The following MAF variants were observed in gnomAD, a reference collection of about 807,000 sequenced individuals.
The protein encoded by MAF is transcription factor Maf.
A neutral mutation model predicts 22.0 loss-of-function variants in MAF; 10 were observed. That is an observed-to-expected ratio of 0.45 (90% CI 0.28 to 0.77). The LOEUF (loss-of-function observed/expected upper bound fraction) is 0.77. Ranked by LOEUF, MAF falls within the 30% of genes least tolerant of loss-of-function variation. The pLI, the probability that MAF is intolerant of heterozygous loss-of-function variation, is 0.12. For synonymous variants in MAF, 337 were observed against 255.8 expected (o/e 1.32, Z -3.03); for missense variants, 544 against 548.4 (o/e 0.99, Z 0.08).
At chr16:79,493,697 A>T in the MAF span, among the ~76,000 whole-genome samples, 1 of 152,238 alleles carries the variant, frequency 6.6e-6, no homozygotes. Context: ...AGTTGATAAA[A>T]GGGTGGAGCT....
At chr16:79,242,131 C>A in the MAF span, among the ~76,000 whole-genome samples, 408 of 152,016 alleles carry the variant, frequency 2.7e-3, 2 homozygotes, top group Non-Finnish European at 4.8e-3. Context: ...GAAACTGCAG[C>A]AACTAACAAA....
the MAF span, among the ~76,000 whole-genome samples, chr16:79,405,426 C>T: frequency 6.6e-6 from 1 of 152,290 alleles, no homozygotes; most frequent in African/African-American, 2.4e-5. Flanking sequence ...TTACAGACTC[C>T]TATTAGTTGA....
chr16:79,230,068 A>G, the MAF span, among the ~76,000 whole-genome samples: 1 of 152,136 alleles, frequency 6.6e-6, no homozygotes, highest in Admixed American at 6.6e-5. Context: ...GATCACTGAG[A>G]ATGTATTTAA....
intron 1 of MAF, chr16:79,596,391 C>A (rs1238915812): frequency 4.7e-6 from 5 of 1,058,284 alleles, no homozygotes; most frequent in Non-Finnish European, 5.7e-6. Flanking sequence ...CTCCAGGAAT[C>A]CTTCCACTGG....
chr16:79,256,239 C>G, the MAF span, among the ~76,000 whole-genome samples: 2 of 151,968 alleles, frequency 1.3e-5, no homozygotes, highest in South Asian at 4.2e-4. Flanking sequence ...CCGCCTGCCT[C>G]GGCCTCCCAG....
chr16:79,332,486 G>C, the MAF span, among the ~76,000 whole-genome samples: 1 of 152,126 alleles, frequency 6.6e-6, no homozygotes, highest in South Asian at 2.1e-4. Context: ...TTTTTGTAGA[G>C]ATAGAGTTTC....
chr16:79,248,000 G>C, the MAF span, among the ~76,000 whole-genome samples: 2 of 148,570 alleles, frequency 1.3e-5, no homozygotes, highest in East Asian at 3.9e-4. Flanking sequence ...ACCCAGTTTT[G>C]GACAGAATTT....
At chr16:79,416,560 C>G in the MAF span, among the ~76,000 whole-genome samples, 1 of 148,960 alleles carries the variant, frequency 6.7e-6, no homozygotes, top group African/African-American at 2.5e-5. Flanking sequence ...ATTTTTAAAG[C>G]TGAAAGTTTT....
the MAF span, among the ~76,000 whole-genome samples, chr16:79,286,970 A>C: frequency 6.6e-6 from 1 of 152,070 alleles, no homozygotes; most frequent in African/African-American, 2.4e-5. Context: ...AGACAAAAAA[A>C]CCCTTTGGAA....
intron 1 of MAF, chr16:79,596,081 A>G (rs1339113018): frequency 7.5e-6 from 8 of 1,062,346 alleles, no homozygotes; most frequent in African/African-American, 1.6e-5. Context: ...CGTTCAATGC[A>G]TATGTGCGCA....
Position 79,599,927 on chromosome 16 carries a change from GC to G in MAF, c.-26del. 2.5e-6 allele frequency: 4 copies of G among 1,593,062 alleles called. No individual in the cohort carries two copies. Among genetic ancestry groups the G allele is most frequent in the Non-Finnish European group, 3.4e-6 (4 of 1,176,234 alleles). On this transcript the variant is annotated 5_prime_UTR_variant, in exon 1 of 2. Transcript: ENST00000326043. ...TTCTCCTGCCGCCGCCGCCGCCGCC[GC>G]CGCCGCTCCGCCAGATGGGCTGCAG...
At chr16:79,569,503 C>T in the MAF span, among the ~76,000 whole-genome samples, 4 of 152,180 alleles carry the variant, frequency 2.6e-5, no homozygotes, top group Non-Finnish European at 4.4e-5. Flanking sequence ...CAAATGTGGT[C>T]CCTGTTCCAA....
the MAF span, among the ~76,000 whole-genome samples, chr16:79,381,071 T>C: frequency 7.9e-5 from 12 of 152,272 alleles, no homozygotes; most frequent in Non-Finnish European, 1.5e-4. Flanking sequence ...CTGGCCTCCC[T>C]GAACAGAATG....
chr16:79,491,850 G>C, the MAF span, among the ~76,000 whole-genome samples: 1 of 152,244 alleles, frequency 6.6e-6, no homozygotes, highest in South Asian at 2.1e-4. Flanking sequence ...ATGGAGGAAA[G>C]GGGGATTTTA....
At chr16:79,490,180 T>G in the MAF span, among the ~76,000 whole-genome samples, 1 of 152,184 alleles carries the variant, frequency 6.6e-6, no homozygotes, top group Non-Finnish European at 1.5e-5. Flanking sequence ...ACCCTAATGT[T>G]GAAATGGCAG....
chr16:79,423,423 G>C, the MAF span, among the ~76,000 whole-genome samples: 1 of 152,122 alleles, frequency 6.6e-6, no homozygotes, highest in Non-Finnish European at 1.5e-5. Flanking sequence ...CTATGGTGAG[G>C]AGTCTGAGCA....
chr16:79,413,081 T>A, the MAF span, among the ~76,000 whole-genome samples: 80,823 of 151,876 alleles, frequency 0.53, 22,392 homozygotes, highest in East Asian at 0.9. Flanking sequence ...CCTCTCTCTC[T>A]CCTTTTCTTT....
the MAF span, among the ~76,000 whole-genome samples, chr16:79,461,387 A>G: frequency 6.6e-6 from 1 of 152,168 alleles, no homozygotes; most frequent in Non-Finnish European, 1.5e-5. Context: ...TCCAAGGGAC[A>G]ACTTGGGAAC....
the MAF span, among the ~76,000 whole-genome samples, chr16:79,370,507 C>G: frequency 6.6e-6 from 1 of 152,208 alleles, no homozygotes; most frequent in South Asian, 2.1e-4. Context: ...GAGCACACAT[C>G]TGTTCTCTCT....
Sources: gnomAD v4.1 joint callset for allele counts (sites outside exome capture counted in the v4.1 genomes callset) on GRCh38, gnomAD v4.1.1 for gene constraint, MANE v1.5 for transcripts, NCBI Gene and HGNC (gene_info 2026-07-23, HGNC 2026-07-21) for gene names.